The following EYS variants were observed in gnomAD, a reference collection of about 807,000 sequenced individuals.
EYS encodes the protein protein eyes shut homolog.
Under a neutral mutation model 282.1 loss-of-function variants are expected in EYS, and 250 were observed. That is an observed-to-expected ratio of 0.89 (90% CI 0.80 to 0.98). The LOEUF (loss-of-function observed/expected upper bound fraction) is 0.98, where lower values mean the gene tolerates loss of function less well. Ranked by LOEUF, EYS falls within the 50% of genes least tolerant of loss-of-function variation. The pLI, the probability that EYS is intolerant of heterozygous loss-of-function variation, is 0.00. For missense variants in EYS, 4,016 were observed against 3,709.0 expected, an observed-to-expected ratio of 1.08 and a Z score of -2.15; for synonymous variants, 1,355 against 1,282.9, an observed-to-expected ratio of 1.06 and a Z score of -1.20.
chr6:64,328,690 T>C (rs1359165639), intron 29 of EYS, among the ~76,000 whole-genome samples: 1 of 152,078 alleles, frequency 6.6e-6, no homozygotes, highest in Non-Finnish European at 1.5e-5. Context: ...ACTAATGTAT[T>C]TGTAAATTGG....
intron 35 of EYS, among the ~76,000 whole-genome samples, chr6:63,874,827 C>A (rs185829644): frequency 6.6e-6 from 1 of 152,160 alleles, no homozygotes; most frequent in African/African-American, 2.4e-5. Flanking sequence ...ATTTTGTATC[C>A]TGAGACTTTA....
At chr6:64,996,097 A>G (rs893269811) in intron 14 of EYS, among the ~76,000 whole-genome samples, 1 of 152,138 alleles carries the variant, frequency 6.6e-6, no homozygotes, top group African/African-American at 2.4e-5. Flanking sequence ...ACCTGCAAGT[A>G]AAAGGAACTC....
At chr6:64,040,948 C>A (rs1017814762) in intron 33 of EYS, among the ~76,000 whole-genome samples, 1 of 152,122 alleles carries the variant, frequency 6.6e-6, no homozygotes, top group Non-Finnish European at 1.5e-5. Flanking sequence ...ATTTCAAAAT[C>A]TGCAATCAGA....
At chr6:65,078,724 A>C (rs575792972) in intron 12 of EYS, among the ~76,000 whole-genome samples, 12 of 152,096 alleles carry the variant, frequency 7.9e-5, no homozygotes, top group African/African-American at 2.9e-4. Context: ...AGAACATTAA[A>C]ATAGTTTGGT....
intron 13 of EYS, among the ~76,000 whole-genome samples, chr6:65,034,935 C>G (rs1279889234): frequency 6.6e-6 from 1 of 152,066 alleles, no homozygotes; most frequent in Non-Finnish European, 1.5e-5. Flanking sequence ...ACCGATATCT[C>G]TGAATAACAT....
intron 31 of EYS, among the ~76,000 whole-genome samples, chr6:64,175,997 G>A (rs13219120): frequency 0.27 from 40,968 of 151,990 alleles, 5,767 homozygotes; most frequent in East Asian, 0.44. Flanking sequence ...AGGTAAGAGA[G>A]GATAAGGAAT....
At chr6:63,939,284 T>A (rs1373193404) in intron 35 of EYS, among the ~76,000 whole-genome samples, 1 of 152,068 alleles carries the variant, frequency 6.6e-6, no homozygotes, top group Non-Finnish European at 1.5e-5. Context: ...GGATACCAAG[T>A]TTGTAAAATT....
At chr6:64,585,071 C>T (rs1386837330) in intron 26 of EYS, among the ~76,000 whole-genome samples, 3 of 152,020 alleles carry the variant, frequency 2.0e-5, no homozygotes, top group Non-Finnish European at 2.9e-5. Context: ...CGGAACCAAC[C>T]CAGGTGTCAG....
In EYS at chr6:63,877,728, G is replaced by T. The variant is rs1773014556; in HGVS notation, c.7056-13370C>A. ...CTTCATTTCATTCATTTGATCTTCAGTCGCTGTTACCCTTTCTTCCACTTG... is the reference window on the plus strand; with the variant it reads ...CTTCATTTCATTCATTTGATCTTCATTCGCTGTTACCCTTTCTTCCACTTG... On this transcript the variant is annotated intron_variant, in intron 35 of 42. Transcript: ENST00000503581. 1.3e-5 allele frequency among the ~76,000 whole-genome samples: 2 copies of T among 151,888 alleles called. 1 individual carries two copies. The highest frequency in any genetic ancestry group is 4.1e-4 in the South Asian group (2 of 4,826).
At chr6:63,880,685 A>T (rs1348224058) in intron 35 of EYS, among the ~76,000 whole-genome samples, 19 of 152,202 alleles carry the variant, frequency 1.2e-4, no homozygotes, top group Non-Finnish European at 2.1e-4. Context: ...CTTTGAAATA[A>T]TGTGCTTCCT....
chr6:64,131,770 C>A (rs1471592087), intron 31 of EYS, among the ~76,000 whole-genome samples: 1 of 152,096 alleles, frequency 6.6e-6, no homozygotes, highest in African/African-American at 2.4e-5. Context: ...CGATTTTCAG[C>A]CGGGAGACTC....
At chr6:65,284,982 C>T (rs1047212377) in intron 12 of EYS, among the ~76,000 whole-genome samples, 2 of 151,788 alleles carry the variant, frequency 1.3e-5, no homozygotes, top group African/African-American at 4.8e-5. Context: ...TTCCTTCTTT[C>T]TTAAACATGT....
chr6:65,703,231 C>CTATA (rs202192019), intron 1 of EYS, among the ~76,000 whole-genome samples: 1 of 152,040 alleles, frequency 6.6e-6, no homozygotes, highest in African/African-American at 2.4e-5. Flanking sequence ...GTTACTCTCT[C>CTATA]TATATATATG....
intron 2 of EYS, among the ~76,000 whole-genome samples, chr6:65,611,402 G>A (rs1245807664): frequency 6.6e-6 from 1 of 151,916 alleles, no homozygotes; most frequent in Admixed American, 6.6e-5. Flanking sequence ...CCTTCAGTAT[G>A]AATATAATAT....
In EYS at chr6:64,156,126, T is replaced by C. The variant is rs141803817; in HGVS notation, c.6425-74124A>G. 2.9e-3 allele frequency among the ~76,000 whole-genome samples: 447 copies of C among 151,918 alleles called. 3 individuals carry two copies. Among genetic ancestry groups the C allele is most frequent in the African/African-American group, 0.01 (427 of 41,420 alleles). On this transcript the variant is annotated intron_variant, in intron 31 of 42. Coordinates refer to ENST00000503581, the MANE Select transcript of EYS (RefSeq NM_001142800.2). ...TCTGTGTCCCCACCCAAATATCATCTTGAATTATACTCCCATAATTTCCAC... is the reference window on the plus strand; with the variant it reads ...TCTGTGTCCCCACCCAAATATCATCCTGAATTATACTCCCATAATTTCCAC...
chr6:65,515,720 T>A (rs1399582338), intron 2 of EYS, among the ~76,000 whole-genome samples: 1 of 140,830 alleles, frequency 7.1e-6, no homozygotes, highest in African/African-American at 2.7e-5. Context: ...ATATTCTCAC[T>A]CATAGGTGGG....
At chr6:64,393,410 A>G (rs1394714325) in intron 28 of EYS, among the ~76,000 whole-genome samples, 3 of 152,290 alleles carry the variant, frequency 2.0e-5, no homozygotes, top group South Asian at 2.1e-4. Flanking sequence ...GAATCCAGCA[A>G]CACATCAAAA....
Position 64,501,892 on chromosome 6 carries a change from C to T in EYS, c.5645-62540G>A, listed in dbSNP as rs6941295. On this transcript the variant is annotated intron_variant, in intron 26 of 42. Coordinates refer to ENST00000503581, the MANE Select transcript of EYS (RefSeq NM_001142800.2). Reference sequence around the variant, plus strand: ...GTATGACCATGTATGACCATGAGGACATTAGCACCAGACTGTCAGGGTGCC... The same window carrying T: ...GTATGACCATGTATGACCATGAGGATATTAGCACCAGACTGTCAGGGTGCC... Among the ~76,000 whole-genome samples the T allele has an allele frequency of 7.2e-3, 1,093 of 152,198 alleles. 8 individuals carry two copies. Among genetic ancestry groups the T allele is most frequent in the African/African-American group, 0.025 (1,050 of 41,546 alleles).
intron 26 of EYS, among the ~76,000 whole-genome samples, chr6:64,581,355 G>C (rs1265432366): frequency 6.6e-6 from 1 of 152,044 alleles, no homozygotes; most frequent in African/African-American, 2.4e-5. Context: ...AAAATGTTCT[G>C]GGCTGAGTTG....
Sources: allele counts gnomAD v4.1 joint callset (sites outside exome capture counted in the v4.1 genomes callset), GRCh38; gene constraint gnomAD v4.1.1; transcripts MANE v1.5; gene names NCBI Gene and HGNC (gene_info 2026-07-23, HGNC 2026-07-21).